Variants in MUC5B observed in about 807,000 individuals in gnomAD.
MUC5B encodes mucin-5B.
Under a neutral mutation model 376.9 loss-of-function variants are expected in MUC5B, and 116 were observed. The ratio of observed to expected loss-of-function variants is 0.31; its 90% CI spans 0.26 to 0.36. The LOEUF is 0.36. MUC5B is among the 10% of genes least tolerant of loss of function. MUC5B has a pLI of 1.00. For missense variants in MUC5B, 7,165 were observed against 7,769.9 expected, an observed-to-expected ratio of 0.92 and a Z score of 2.93; for synonymous variants, 3,517 against 3,390.9, an observed-to-expected ratio of 1.04 and a Z score of -1.29.
At position 1,261,381 on chromosome 11, in the gene MUC5B, G is replaced by T; in HGVS notation, c.17070-8G>T. ...GTGGCTGATGTGAGGGCCACCCTGC[G>T]TCCACAGGTACTCAGCAGAGGCCCA... On this transcript the variant is annotated splice_region_variant and splice_polypyrimidine_tract_variant and intron_variant, in intron 48 of 48. Transcript: ENST00000529681. 1 of 1,542,418 alleles carries T rather than the reference G, an allele frequency of 6.5e-7. No individual in the cohort carries two copies. The highest frequency in any genetic ancestry group is 8.7e-7 in the Non-Finnish European group (1 of 1,145,662).
chr11:1,252,988 C>T lies in MUC5B; in HGVS notation c.15217+8C>T, dbSNP rs370841803. The T allele has an allele frequency of 2.0e-5, 32 of 1,612,354 alleles. No individual in the cohort carries two copies. The African/African-American group carries it at 2.3e-4, about 11-fold the overall frequency. On this transcript the variant is annotated splice_region_variant and intron_variant, in intron 33 of 48. Transcript: ENST00000529681. ...TCCACTATGAGTGCGAGTGTGAGTG[C>T]GTCGGTGGCCGCGGGATTACCCCGG... is the stretch of plus-strand genomic sequence containing the variant.
In MUC5B at chr11:1,255,085, G is replaced by A. The variant is rs1320408318; in HGVS notation, c.15709G>A (p.Gly5237Arg). The change falls in exon 36 of 49, where the codon GGA becomes AGA. Residue 5237 changes from glycine (G) to arginine (R), a missense_variant. Gly to Arg is a moderately radical substitution (Grantham distance 125). This residue lies in a region of MUC5B where 842 missense variants were observed against 1,016.9 expected (regional missense o/e 0.83). Transcript: ENST00000529681. ...GAGGGACGACTGTCTCCAGCGGGAC[G>A]GAACCACTGCCGCCAGTTGCAAGGA... ...NQRDDCLQRD[G>R]TTAASCKDMA... 40 of 1,595,324 alleles carry A rather than the reference G, an allele frequency of 2.5e-5. No individual in the cohort carries two copies. In the East Asian group the frequency reaches 4.6e-4, roughly 18 times the overall value.
At chr11:1,233,991 C>T (rs1862099504) in intron 19 of MUC5B, 143 bp downstream of exon 19, 1 of 934,820 alleles carries the variant, frequency 1.1e-6, no homozygotes, top group African/African-American at 1.6e-5. Flanking sequence ...GCCACAGGCA[C>T]CCATGCCCTG....
At chr11:1,230,171 CA>C in intron 11 of MUC5B, 28 bp downstream of exon 11, 1 of 1,565,488 alleles carries the variant, frequency 6.4e-7, no homozygotes, top group Non-Finnish European at 8.6e-7. Flanking sequence ...GGTCTTCAGA[CA>C]CCCAGACCCT....
Position 1,257,939 on chromosome 11 carries a change from G to T in MUC5B, c.16451-160G>T, listed in dbSNP as rs1862888368. Among the ~76,000 whole-genome samples, 1 of 152,238 alleles carries T rather than the reference G, an allele frequency of 6.6e-6. No homozygotes were observed. Among genetic ancestry groups the T allele is most frequent in the Non-Finnish European group, 1.5e-5 (1 of 68,030 alleles). On this transcript the variant is annotated intron_variant, in intron 41 of 48. Coordinates refer to ENST00000529681, the MANE Select transcript of MUC5B (RefSeq NM_002458.3). This position sits in a 1 kb window ranked among gnomAD's most constrained non-coding sequence, Gnocchi z 8.9. ...CAGGAGTGGCCCAGGGACGTGGGAA[G>T]CAGCGGGGAGGTGGCCAAGCAAGGG...
chr11:1,235,323 C>T lies in MUC5B; in HGVS notation c.2790C>T (p.Thr930=), dbSNP rs1166614490. ...CCCAGGACTACTGTGGGGACAACAC[C>T]ACCCACGGGACCTTCCGCATCGTCA... ...ILAQDYCGDN[T]THGTFRIVTE... The change falls in exon 23 of 49, where the codon ACC becomes ACT. Residue 930 remains threonine (T), a synonymous_variant. Transcript: ENST00000529681. 2 of 1,612,994 alleles carry T rather than the reference C, an allele frequency of 1.2e-6. No homozygotes were observed. Among genetic ancestry groups the T allele is most frequent in the African/African-American group, 2.7e-5 (2 of 75,026 alleles).
chr11:1,226,054 G>C, intron 2 of MUC5B, 151 bp from the exon 3 acceptor site: 1 of 759,196 alleles, frequency 1.3e-6, no homozygotes, highest in Non-Finnish European at 2.1e-6. Flanking sequence ...GGCAGACAGG[G>C]CCAAGGGTAA....
chr11:1,249,409 C>G lies in MUC5B; in HGVS notation c.12529C>G (p.Gln4177Glu), dbSNP rs1197115537. Residue 4177 changes from glutamine to glutamate, a missense_variant, in exon 31 of 49, where the codon CAG (glutamine) becomes GAG (glutamate). By Grantham distance (29) the Gln-to-Glu change is conservative (BLOSUM62 2). This residue lies in a region of MUC5B where 34 missense variants were observed against 25.7 expected (regional missense o/e 1.32). Coordinates refer to ENST00000529681, the MANE Select transcript of MUC5B (RefSeq NM_002458.3). ...EQPLGLECRA[Q>E]AQPGVPLGEL... ...GCCCCTGGGCCTCGAGTGCCGTGCC[C>G]AGGCCCAGCCTGGTGTCCCCCTGGG... 1.2e-6 allele frequency: 2 copies of G among 1,611,344 alleles called. No individual in the cohort carries two copies. Among genetic ancestry groups the G allele is most frequent in the Admixed American group, 1.7e-5 (1 of 60,010 alleles).
At chr11:1,251,850 T>G in intron 31 of MUC5B, 107 bp downstream of exon 31, 1 of 839,248 alleles carries the variant, frequency 1.2e-6, no homozygotes, top group Non-Finnish European at 1.8e-6. Flanking sequence ...GTCATGTTTG[T>G]TCCCCACTGG....
Position 1,258,836 on chromosome 11 carries a change from A to G in MUC5B, c.16594-106A>G. The G allele has an allele frequency of 6.9e-7, 1 of 1,446,070 alleles. No homozygotes were observed. The highest frequency in any genetic ancestry group is 9.3e-7 in the Non-Finnish European group (1 of 1,075,730). 89.6% of individuals were successfully genotyped at this position (1,446,070 alleles called of 1,614,324 possible). A position where few individuals can be genotyped will look rare whatever the true frequency, so the allele number is the denominator to read the frequency against. On this transcript the variant is annotated intron_variant, in intron 43 of 48. Transcript: ENST00000529681. The surrounding 1 kb of genome is among the most constrained non-coding windows in gnomAD (Gnocchi z 5.5). ...TCAGCCAGGGGTGCATCTATGCTCC[A>G]TCTGAGGAAGGAACAACTCCCTGCA... is the stretch of plus-strand genomic sequence containing the variant.
Position 1,231,479 on chromosome 11 carries a change from G to T in MUC5B, c.1597G>T (p.Gly533Trp), listed in dbSNP as rs1226827857. 6.2e-7 allele frequency: 1 copy of T among 1,610,048 alleles called. No homozygotes were observed. The highest frequency in any genetic ancestry group is 1.3e-5 in the African/African-American group (1 of 74,980). The change falls in exon 14 of 49, where the codon GGG becomes TGG. Residue 533 changes from glycine to tryptophan, a missense_variant. Physicochemically the swap from Gly to Trp is radical, Grantham distance 184. This residue lies in a region of MUC5B where 640 missense variants were observed against 733.0 expected (regional missense o/e 0.87). Transcript: ENST00000529681. ...CTTCATCGTGGTGCAGACAGGCCTGGGGCTGCAGCTGCTGGTGCAGCTGGT... is the reference window on the plus strand; with the variant it reads ...CTTCATCGTGGTGCAGACAGGCCTGTGGCTGCAGCTGCTGGTGCAGCTGGT... Reference protein sequence around the residue: ...SFFIVVQTGLGLQLLVQLVPL... With the variant: ...SFFIVVQTGLWLQLLVQLVPL...
intron 44 of MUC5B, 91 bp from the exon 45 acceptor site, chr11:1,259,664 TG>T: frequency 7.3e-7 from 1 of 1,361,110 alleles, no homozygotes; most frequent in Non-Finnish European, 1.0e-6. Context: ...TAAGGGGTCC[TG>T]GACCACTGGG....
rs780026313 is a variant in MUC5B at position 1,262,082 on chromosome 11, C to T, written c.*474C>T. ...CTGCAGGGTAACTCAGGGCTGAGGT[C>T]GCAACGGCCAGGTCAGAGAGGGGTC... is the stretch of plus-strand genomic sequence containing the variant. On this transcript the variant is annotated 3_prime_UTR_variant, in exon 49 of 49. Coordinates refer to ENST00000529681, the MANE Select transcript of MUC5B (RefSeq NM_002458.3). The T allele has an allele frequency of 3.2e-5, 17 of 529,882 alleles. No individual in the cohort carries two copies. The highest frequency in any genetic ancestry group is 1.4e-4 in the Admixed American group (7 of 51,526). 32.8% of individuals were successfully genotyped at this position (529,882 alleles called of 1,614,324 possible).
rs570186533 is a variant in MUC5B at position 1,247,901 on chromosome 11, C to A, written c.11021C>A (p.Thr3674Asn). The A allele has an allele frequency of 1.9e-5, 30 of 1,611,524 alleles. 1 individual carries two copies. Among genetic ancestry groups the A allele is most frequent in the South Asian group, 3.3e-5 (3 of 91,026 alleles). ...FCCNYGHCPS[T>N]PATSSTATPS... ...TGCAACTACGGCCACTGCCCCAGCACCCCGGCCACCAGCTCTACGGCCACG... is the reference window on the plus strand; with the variant it reads ...TGCAACTACGGCCACTGCCCCAGCAACCCGGCCACCAGCTCTACGGCCACG... The change falls in exon 31 of 49, where the codon ACC (threonine) becomes AAC (asparagine). Residue 3674 changes from threonine to asparagine, a missense_variant. Physicochemically the swap from Thr to Asn is moderately conservative, Grantham distance 65. Transcript: ENST00000529681.
rs1392291037 is a variant in MUC5B at position 1,241,192 on chromosome 11, C to G, written c.4312C>G (p.Pro1438Ala). The part of the protein sequence containing the change: ...EYVPCGPSPA[P>A]GTSPQPSLSA... Reference sequence around the variant, plus strand: ...CGTGCCCTGTGGCCCCTCCCCGGCCCCAGGCACCAGCCCTCAGCCCTCCCT... The same window carrying G: ...CGTGCCCTGTGGCCCCTCCCCGGCCGCAGGCACCAGCCCTCAGCCCTCCCT... The change falls in exon 31 of 49, where the codon CCA becomes GCA. Residue 1438 changes from proline (P) to alanine (A), a missense_variant. By Grantham distance (27) the Pro-to-Ala change is conservative. Around this residue, in one of 31 missense-constraint regions of MUC5B, gnomAD observed 517 missense variants for 545.3 expected, o/e 0.95. Coordinates refer to ENST00000529681, the MANE Select transcript of MUC5B (RefSeq NM_002458.3). The G allele has an allele frequency of 1.3e-6, 2 of 1,594,842 alleles. No homozygotes were observed. The highest frequency in any genetic ancestry group is 2.7e-5 in the African/African-American group (2 of 74,384).
chr11:1,254,627 A>G (rs1370163816), intron 34 of MUC5B, 67 bp from the exon 35 acceptor site: 9 of 1,490,082 alleles, frequency 6.0e-6, no homozygotes, highest in Admixed American at 4.1e-5. Flanking sequence ...AGCCCCAAAG[A>G]GAAGCCCTGC....
rs1462379539 is a variant in MUC5B, at chr11:1,229,737, C to G, written c.1150C>G (p.Gln384Glu). ...GCACTCTGGCTGCCTGCCCCTCGGG[C>G]AGTGCCCCTGCACCCACGGCGGCCG... ...ITHSGCLPLG[Q>E]CPCTHGGRTY... Residue 384 changes from glutamine (Q) to glutamate (E), a missense_variant, in exon 10 of 49, where the codon CAG becomes GAG. Physicochemically the swap from Gln to Glu is conservative, Grantham distance 29 (BLOSUM62 2). Around this residue, in one of 31 missense-constraint regions of MUC5B, gnomAD observed 640 missense variants for 733.0 expected, o/e 0.87. Coordinates refer to ENST00000529681, the MANE Select transcript of MUC5B (RefSeq NM_002458.3). The G allele has an allele frequency of 6.3e-7, 1 of 1,599,208 alleles. No homozygotes were observed. The highest frequency in any genetic ancestry group is 1.7e-5 in the Admixed American group (1 of 58,478).
At chr11:1,260,500 C>A in intron 47 of MUC5B, 107 bp downstream of exon 47, 1 of 1,489,818 alleles carries the variant, frequency 6.7e-7, no homozygotes. Flanking sequence ...TGCCCGCGTC[C>A]AGACTCCACC....
rs1480303326 is a variant in MUC5B at position 1,251,420 on chromosome 11, T to A, written c.14540T>A (p.Ile4847Asn). 6.2e-7 allele frequency: 1 copy of A among 1,610,776 alleles called. No homozygotes were observed. The highest frequency in any genetic ancestry group is 2.2e-5 in the East Asian group (1 of 44,758). Residue 4847 changes from isoleucine (I) to asparagine (N), a missense_variant, in exon 31 of 49, where the codon ATC becomes AAC. Transcript: ENST00000529681. ...TLSSTPGTTW[I>N]LTEPSTIATV... is the part of the protein sequence containing the mutation. ...TCCTCCACCCCAGGGACCACCTGGA[T>A]CCTCACAGAGCCGAGCACTATAGCC...
Sources: allele counts gnomAD v4.1 joint callset (sites outside exome capture counted in the v4.1 genomes callset), GRCh38; gene constraint gnomAD v4.1.1; regional missense constraint gnomAD v4.1.1; non-coding constraint Gnocchi (gnomAD v3.1); transcripts MANE v1.5; gene names NCBI Gene and HGNC (gene_info 2026-07-23, HGNC 2026-07-21).